Variants in ITGA10 observed in about 807,000 individuals in gnomAD.
The protein encoded by ITGA10 is integrin alpha-10.
Under a neutral mutation model 145.2 loss-of-function variants are expected in ITGA10, and 105 were observed. The observed-to-expected ratio is 0.72, with a 90% CI of 0.62 to 0.85. ITGA10 has a LOEUF of 0.85. Ranked by LOEUF, ITGA10 falls within the 40% of genes least tolerant of loss-of-function variation. The pLI, the probability that ITGA10 is intolerant of heterozygous loss-of-function variation, is 0.00. For synonymous variants in ITGA10, 506 were observed against 557.8 expected (o/e 0.91, Z 1.31); for missense variants, 1,317 against 1,444.5 (o/e 0.91, Z 1.43).
At position 145,902,155 on chromosome 1, in the gene ITGA10, G is replaced by A; in HGVS notation, c.1149+91C>T. ...AAGGCATGGGAAGGTGAGCATGGAG[G>A]CTGGTTAAAGGAGGAATCTGGAGGG... On this transcript the variant is annotated intron_variant, in intron 10 of 29. Transcript: ENST00000369304. 4 of 1,561,942 alleles carry A rather than the reference G, an allele frequency of 2.6e-6. No individual in the cohort carries two copies. In the Admixed American group the frequency reaches 5.1e-5, roughly 20 times the overall value.
rs782377961 is a variant in ITGA10, at chr1:145,902,806, C to G, written c.909+5G>C. On this transcript the variant is annotated splice_donor_5th_base_variant and intron_variant, in intron 8 of 29. Coordinates refer to ENST00000369304, the MANE Select transcript of ITGA10 (RefSeq NM_003637.5). ...AACTCTTCCAGATCCAGGGTGAATT[C>G]TCACTGCAATCCCATAGCGTGTCAC... 1.4e-5 allele frequency: 23 copies of G among 1,603,326 alleles called. No homozygotes were observed. The highest frequency in any genetic ancestry group is 1.8e-5 in the Non-Finnish European group (21 of 1,175,008).
chr1:145,903,048 CA>C, intron 7 of ITGA10, 87 bp from the exon 8 acceptor site: 1 of 886,434 alleles, frequency 1.1e-6, no homozygotes, highest in Non-Finnish European at 1.7e-6. Context: ...CACACACACA[CA>C]CACACACACA....
At chr1:145,906,908 G>A (rs1553751322) in intron 3 of ITGA10, 84 bp from the exon 4 acceptor site, 6 of 1,193,230 alleles carry the variant, frequency 5.0e-6, no homozygotes, top group East Asian at 2.4e-5. Flanking sequence ...AGGAGAATGA[G>A]CAGGGATTGG....
intron 5 of ITGA10, among the ~76,000 whole-genome samples, chr1:145,905,070 C>CACACACG (rs1553750640): frequency 2.0e-5 from 3 of 151,310 alleles, no homozygotes; most frequent in East Asian, 1.9e-4. Context: ...ACACACACAC[C>CACACACG]TACACATTTA....
In ITGA10 at chr1:145,896,817, G is replaced by T; in HGVS notation, c.2786C>A (p.Ala929Asp). Reference protein sequence around the residue: ...ERNGTLQDNTAQTSAYIQYEP... With the variant: ...ERNGTLQDNTDQTSAYIQYEP... ...ATATTGGATGTAGGCTGAGGTCTGG[G>T]CTGTGTTATCTTGAAGGGTCCCATT... Residue 929 changes from alanine (A) to aspartate (D), a missense_variant, in exon 23 of 30, where the codon GCC (alanine) becomes GAC (aspartate). Coordinates refer to ENST00000369304, the MANE Select transcript of ITGA10 (RefSeq NM_003637.5). 1 of 1,614,042 alleles carries T rather than the reference G, an allele frequency of 6.2e-7. No individual in the cohort carries two copies. The highest frequency in any genetic ancestry group is 8.5e-7 in the Non-Finnish European group (1 of 1,179,974).
In ITGA10 at chr1:145,892,622, A is replaced by G; in HGVS notation, c.*176T>C. On this transcript the variant is annotated 3_prime_UTR_variant, in exon 30 of 30. Transcript: ENST00000369304. ...GGTGCCAGCTCTTCTTGTCTGAGGTAAAGCCTCATCTCTAGCCAGCAGCAT... is the reference window on the plus strand; with the variant it reads ...GGTGCCAGCTCTTCTTGTCTGAGGTGAAGCCTCATCTCTAGCCAGCAGCAT... 1 of 547,928 alleles carries G rather than the reference A, an allele frequency of 1.8e-6. No individual in the cohort carries two copies. The highest frequency in any genetic ancestry group is 3.3e-6 in the Non-Finnish European group (1 of 307,040). 33.9% of individuals were successfully genotyped at this position (547,928 alleles called of 1,614,324 possible).
Position 145,902,945 on chromosome 1 carries a change from G to T in ITGA10, c.775C>A (p.Gln259Lys). The T allele has an allele frequency of 6.2e-7, 1 of 1,606,476 alleles. No individual in the cohort carries two copies. The highest frequency in any genetic ancestry group is 8.5e-7 in the Non-Finnish European group (1 of 1,176,750). Residue 259 changes from glutamine to lysine, a missense_variant, in exon 8 of 30, where the codon CAG (glutamine) becomes AAG (lysine). Transcript: ENST00000369304. ...IMVACTEGFS[Q>K]SHGGRPEAAR... ...GCCTCGGGTCGGCCCCCATGGGACTGACTGAACCCTTCTGTGCTGAGAAGA... is the reference window on the plus strand; with the variant it reads ...GCCTCGGGTCGGCCCCCATGGGACTTACTGAACCCTTCTGTGCTGAGAAGA...
In ITGA10 at chr1:145,907,040, C is replaced by G; in HGVS notation, c.274+1G>C. On this transcript the variant is annotated splice_donor_variant, in intron 3 of 29. Coordinates refer to ENST00000369304, the MANE Select transcript of ITGA10 (RefSeq NM_003637.5). LOFTEE classifies it high-confidence loss of function. ...AGGAGAAGGGTCAGGCATCTTCTCA[C>G]CTAAGTGGCCCTTGGCACATGGGGC... The G allele has an allele frequency of 6.5e-7, 1 of 1,541,540 alleles. No individual in the cohort carries two copies. Among genetic ancestry groups the G allele is most frequent in the Non-Finnish European group, 8.8e-7 (1 of 1,138,404 alleles).
intron 27 of ITGA10, among the ~76,000 whole-genome samples, chr1:145,894,739 T>C (rs923245096): frequency 1.3e-5 from 2 of 152,188 alleles, no homozygotes; most frequent in African/African-American, 2.4e-5. Flanking sequence ...ACCTATACAA[T>C]CTTACTTCCC....
Position 145,900,979 on chromosome 1 carries a change from G to T in ITGA10, c.1602C>A (p.Thr534=). 1 of 1,614,014 alleles carries T rather than the reference G, an allele frequency of 6.2e-7. No homozygotes were observed. The highest frequency in any genetic ancestry group is 8.5e-7 in the Non-Finnish European group (1 of 1,180,004). ...GTTCTGGCTGAAGTGTTCCTTGGAGGGTCAGCAAGGACTGCTGGTGGAGGA... is the reference window on the plus strand; with the variant it reads ...GTTCTGGCTGAAGTGTTCCTTGGAGTGTCAGCAAGGACTGCTGGTGGAGGA... ...VYLVGQQSLL[T]LQGTLQPEPP... is the part of the protein sequence containing the mutation. The change falls in exon 14 of 30, where the codon ACC becomes ACA. Residue 534 remains threonine (T), a synonymous_variant. Coordinates refer to ENST00000369304, the MANE Select transcript of ITGA10 (RefSeq NM_003637.5).
chr1:145,893,961 G>A (rs587612537), intron 27 of ITGA10, among the ~76,000 whole-genome samples: 2 of 151,464 alleles, frequency 1.3e-5, no homozygotes, highest in African/African-American at 4.9e-5. Flanking sequence ...CTGGGATTTA[G>A]GGAAATCATT....
Position 145,900,887 on chromosome 1 carries a change from G to A in ITGA10, c.1694C>T (p.Ala565Val), listed in dbSNP as rs782638526. The A allele has an allele frequency of 7.4e-6, 12 of 1,613,976 alleles. No individual in the cohort carries two copies. Among genetic ancestry groups the A allele is most frequent in the Middle Eastern group, 1.6e-4 (1 of 6,084 alleles). ...CAGAGGCGCCCCCACAGCCACATCA[G>A]CAAAACCATCTTGGTTCAGATCAGG... ...ALPDLNQDGF[A>V]DVAVGAPLED... is the part of the protein sequence containing the mutation. The change falls in exon 14 of 30, where the codon GCT (alanine) becomes GTT (valine). Residue 565 changes from alanine to valine, a missense_variant. Ala to Val is a moderately conservative substitution (Grantham distance 64, BLOSUM62 0). Transcript: ENST00000369304.
chr1:145,906,236 T>C (rs1657122081), intron 5 of ITGA10, 158 bp downstream of exon 5: 1 of 594,310 alleles, frequency 1.7e-6, no homozygotes, highest in Non-Finnish European at 3.0e-6. Flanking sequence ...GCCAGGAGTC[T>C]GAATCTGTTA....
intron 26 of ITGA10, 43 bp downstream of exon 26, chr1:145,895,588 T>A (rs1559190163): frequency 1.3e-6 from 2 of 1,588,860 alleles, no homozygotes; most frequent in Non-Finnish European, 1.7e-6. Context: ...GTCACCCAAC[T>A]CCACTTGCAT....
At chr1:145,900,228 AC>A in intron 14 of ITGA10, 41 bp from the exon 15 acceptor site, 1 of 1,556,954 alleles carries the variant, frequency 6.4e-7, no homozygotes, top group Non-Finnish European at 8.7e-7. Context: ...GGACCCATAC[AC>A]CTAGTTTCTC....
rs1343447701 is a variant in ITGA10 at position 145,903,018 on chromosome 1, CACACAT to C, written c.759-63_759-58del. Reference sequence around the variant, plus strand: ...ATGTATGCAGACACACACACACACACACACATACACACACACACACACACACACACA... The same window carrying C: ...ATGTATGCAGACACACACACACACACACACACACACACACACACACACACA... On this transcript the variant is annotated intron_variant, in intron 7 of 29. Transcript: ENST00000369304. 338 of 703,304 alleles carry C rather than the reference CACACAT, an allele frequency of 4.8e-4. 4 individuals carry two copies. Among genetic ancestry groups the C allele is most frequent in the South Asian group, 1.3e-3 (57 of 44,386 alleles). 43.6% of individuals were successfully genotyped at this position (703,304 alleles called of 1,614,324 possible).
chr1:145,908,916 T>C (rs587707047), intron 1 of ITGA10, among the ~76,000 whole-genome samples: 2 of 152,224 alleles, frequency 1.3e-5, no homozygotes, highest in South Asian at 2.1e-4. Context: ...GAGGGGATAA[T>C]AGGAATCAGA....
intron 1 of ITGA10, among the ~76,000 whole-genome samples, chr1:145,908,543 C>T (rs1402127478): frequency 6.6e-6 from 1 of 152,154 alleles, no homozygotes; most frequent in Non-Finnish European, 1.5e-5. Context: ...TCCCTTTTGA[C>T]CCCAATGCCT....
rs922029572 is a variant in ITGA10 at position 145,909,968 on chromosome 1, A to G, written c.47T>C (p.Leu16Pro). The change falls in exon 1 of 30, where the codon CTG becomes CCG. Residue 16 changes from leucine to proline, a missense_variant. Physicochemically the swap from Leu to Pro is moderately conservative, Grantham distance 98 (BLOSUM62 -3). Transcript: ENST00000369304. ...VTHLFLPLVF[L>P]TGLCSPFNLD... ...AAGAAGTTAACTTCCCTCACCTGTCAGGAACACCAGGGGCAAGAACAGGTG... is the reference window on the plus strand; with the variant it reads ...AAGAAGTTAACTTCCCTCACCTGTCGGGAACACCAGGGGCAAGAACAGGTG... 1 of 1,613,288 alleles carries G rather than the reference A, an allele frequency of 6.2e-7. No individual in the cohort carries two copies. The highest frequency in any genetic ancestry group is 1.3e-5 in the African/African-American group (1 of 75,006).
Sources: gnomAD v4.1 joint callset for allele counts (sites outside exome capture counted in the v4.1 genomes callset) on GRCh38, gnomAD v4.1.1 for gene constraint, MANE v1.5 for transcripts, NCBI Gene and HGNC (gene_info 2026-07-23, HGNC 2026-07-21) for gene names.